The following CNTN5 variants were observed in gnomAD, a reference collection of about 807,000 sequenced individuals.
The protein encoded by CNTN5 is contactin-5.
CNTN5 carries 77 observed loss-of-function variants against 129.1 expected under a neutral mutation model. The ratio of observed to expected loss-of-function variants is 0.60; its 90% CI spans 0.50 to 0.72. The LOEUF is 0.72. Among genes scored for constraint, CNTN5 ranks in the 30% least tolerant of loss-of-function variants. CNTN5 has a pLI of 0.00. For missense variants in CNTN5, 1,478 were observed against 1,328.8 expected, an observed-to-expected ratio of 1.11 and a Z score of -1.75; for synonymous variants, 509 against 465.6, an observed-to-expected ratio of 1.09 and a Z score of -1.20.
At chr11:99,429,644 G>T (rs1331965203) in intron 2 of CNTN5, among the ~76,000 whole-genome samples, 10 of 151,922 alleles carry the variant, frequency 6.6e-5, no homozygotes. Flanking sequence ...ACTTATAAAG[G>T]CAGTTTTAAA....
intron 1 of CNTN5, among the ~76,000 whole-genome samples, chr11:99,037,633 T>C (rs1228899371): frequency 6.7e-6 from 1 of 148,708 alleles, no homozygotes; most frequent in Non-Finnish European, 1.5e-5. Flanking sequence ...CAGGGTGGAT[T>C]GCAGTGATGC....
At chr11:100,130,783 G>C (rs1355078134) in intron 13 of CNTN5, among the ~76,000 whole-genome samples, 1 of 152,240 alleles carries the variant, frequency 6.6e-6, no homozygotes, top group African/African-American at 2.4e-5. Context: ...TGCTTGGAGG[G>C]AGGGGAGTTA....
At chr11:100,313,140 A>G (rs1951505037) in intron 21 of CNTN5, among the ~76,000 whole-genome samples, 1 of 152,034 alleles carries the variant, frequency 6.6e-6, no homozygotes, top group Non-Finnish European at 1.5e-5. Context: ...CCATTGAGAC[A>G]ATTTAAGGAG....
At chr11:99,391,991 A>G (rs894603401) in intron 2 of CNTN5, among the ~76,000 whole-genome samples, 10 of 151,952 alleles carry the variant, frequency 6.6e-5, no homozygotes, top group Non-Finnish European at 1.2e-4. Context: ...ATGTAAAGTA[A>G]AATACTCACA....
At chr11:99,730,081 G>A (rs904070713) in intron 3 of CNTN5, among the ~76,000 whole-genome samples, 5 of 151,998 alleles carry the variant, frequency 3.3e-5, no homozygotes, top group African/African-American at 1.2e-4. Flanking sequence ...TAAATGAGAG[G>A]GCTAAGATCC....
intron 1 of CNTN5, among the ~76,000 whole-genome samples, chr11:99,256,394 G>A (rs909142020): frequency 2.6e-5 from 4 of 152,120 alleles, no homozygotes; most frequent in Admixed American, 1.3e-4. Flanking sequence ...ACTGCCAAAA[G>A]CCATCTATAA....
chr11:99,978,647 T>G (rs568072459), intron 8 of CNTN5, among the ~76,000 whole-genome samples: 1 of 152,352 alleles, frequency 6.6e-6, no homozygotes, highest in East Asian at 1.9e-4. Flanking sequence ...AACAATAGGG[T>G]ATACCATATA....
intron 16 of CNTN5, among the ~76,000 whole-genome samples, chr11:100,236,869 G>GT (rs1949625480): frequency 6.6e-6 from 1 of 152,124 alleles, no homozygotes; most frequent in African/African-American, 2.4e-5. Flanking sequence ...CATATGGCCT[G>GT]TTTTTGACAA....
rs758147998 is a variant in CNTN5 at position 99,044,441 on chromosome 11, G to T, written c.-210+23171G>T. ...CATCTTATTTACAACACCAAAAAGG[G>T]CTTTGTGCACAAAAATGAGCAGTCT... On this transcript the variant is annotated intron_variant, in intron 1 of 24. Coordinates refer to ENST00000524871, the MANE Select transcript of CNTN5 (RefSeq NM_014361.4). Among the ~76,000 whole-genome samples, 150 of 152,064 alleles carry T rather than the reference G, an allele frequency of 9.9e-4. 2 individuals carry two copies. Among genetic ancestry groups the T allele is most frequent in the Non-Finnish European group, 9.6e-4 (65 of 68,024 alleles).
chr11:99,884,400 C>T (rs1038073203), intron 6 of CNTN5, among the ~76,000 whole-genome samples: 2 of 151,790 alleles, frequency 1.3e-5, no homozygotes, highest in Non-Finnish European at 2.9e-5. Flanking sequence ...CCAAATTGAC[C>T]AAAGAGATTT....
At chr11:100,009,230 C>A (rs77891361) in intron 9 of CNTN5, among the ~76,000 whole-genome samples, 2 of 152,188 alleles carry the variant, frequency 1.3e-5, no homozygotes, top group East Asian at 3.9e-4. Context: ...TCTCTACAGG[C>A]TGCTGGAGCA....
chr11:100,194,440 T>G (rs1319071612), intron 15 of CNTN5, among the ~76,000 whole-genome samples: 6 of 151,928 alleles, frequency 3.9e-5, no homozygotes. Flanking sequence ...CAAATACAAT[T>G]TTTGCCTACA....
chr11:99,906,291 T>C (rs1949504058), intron 6 of CNTN5, among the ~76,000 whole-genome samples: 1 of 152,168 alleles, frequency 6.6e-6, no homozygotes, highest in Non-Finnish European at 1.5e-5. Context: ...ATAGCTCTTA[T>C]TATTTTGAGA....
chr11:99,420,654 T>G (rs2135051595), intron 2 of CNTN5, among the ~76,000 whole-genome samples: 1 of 152,190 alleles, frequency 6.6e-6, no homozygotes, highest in South Asian at 2.1e-4. Flanking sequence ...TAAATAAGAT[T>G]ACGATGAAAA....
At chr11:99,329,595 G>T (rs1402343197) in intron 2 of CNTN5, among the ~76,000 whole-genome samples, 1 of 152,138 alleles carries the variant, frequency 6.6e-6, no homozygotes, top group South Asian at 2.1e-4. Context: ...ATCTCTCTGC[G>T]CTAAGCTTAG....
chr11:99,259,931 C>A (rs1006648031), intron 1 of CNTN5, among the ~76,000 whole-genome samples: 1 of 151,710 alleles, frequency 6.6e-6, no homozygotes, highest in Admixed American at 6.6e-5. Flanking sequence ...TGTAAACTGT[C>A]TATTCATAAC....
intron 1 of CNTN5, among the ~76,000 whole-genome samples, chr11:99,208,036 T>A (rs1282301086): frequency 6.6e-6 from 1 of 152,188 alleles, no homozygotes; most frequent in Non-Finnish European, 1.5e-5. Flanking sequence ...CTTTTTAAAA[T>A]GTAACAGGCT....
chr11:99,954,066 G>A (rs145555592), intron 7 of CNTN5, among the ~76,000 whole-genome samples: 219 of 152,014 alleles, frequency 1.4e-3, no homozygotes, highest in African/African-American at 5.0e-3. Context: ...TTGGCTAGCC[G>A]GTTTTCCCAA....
intron 6 of CNTN5, among the ~76,000 whole-genome samples, chr11:99,907,401 G>A (rs1949537688): frequency 6.6e-6 from 1 of 151,826 alleles, no homozygotes; most frequent in Admixed American, 6.6e-5. Flanking sequence ...AGGAGGTTGG[G>A]GTGGGTATTT....
Sources: allele counts gnomAD v4.1 joint callset (sites outside exome capture counted in the v4.1 genomes callset), GRCh38; gene constraint gnomAD v4.1.1; transcripts MANE v1.5; gene names NCBI Gene and HGNC (gene_info 2026-07-23, HGNC 2026-07-21).